The following SYK variants were observed in gnomAD, a reference collection of about 807,000 sequenced individuals.
The protein encoded by SYK is spleen associated tyrosine kinase, also known as tyrosine-protein kinase SYK.
In SYK, 16 loss-of-function variants were observed where a neutral mutation model predicts 77.8. That is an observed-to-expected ratio of 0.21 (90% CI 0.14 to 0.31). The LOEUF (loss-of-function observed/expected upper bound fraction) is 0.31, where lower values mean the gene tolerates loss of function less well. Ranked by LOEUF, SYK falls within the 10% of genes least tolerant of loss-of-function variation. SYK has a pLI of 1.00. For missense variants in SYK, 529 were observed against 814.4 expected (o/e 0.65, Z 4.26); for synonymous variants, 312 against 308.7 (o/e 1.01, Z -0.11).
intron 7 of SYK, among the ~76,000 whole-genome samples, chr9:90,868,090 AC>A (rs1394709530): frequency 6.6e-6 from 1 of 152,190 alleles, no homozygotes; most frequent in Non-Finnish European, 1.5e-5. Context: ...AAGACATAAA[AC>A]CCTTGAGATT....
At chr9:90,815,569 C>G (rs1327094341) in intron 1 of SYK, among the ~76,000 whole-genome samples, 1 of 152,166 alleles carries the variant, frequency 6.6e-6, no homozygotes, top group Non-Finnish European at 1.5e-5. Flanking sequence ...TGCTGCCCTC[C>G]TAGGGGAGCT....
At chr9:90,807,525 C>T (rs1313392674) in intron 1 of SYK, among the ~76,000 whole-genome samples, 1 of 141,722 alleles carries the variant, frequency 7.1e-6, no homozygotes, top group African/African-American at 2.6e-5. Flanking sequence ...GCCTGCAGTG[C>T]TCGGTACCTG....
rs1760124 is a variant in SYK, at chr9:90,867,065, G to A, written c.847-66G>A. 1,272,771 of 1,583,454 alleles carry A rather than the reference G, an allele frequency of 0.8. 513,383 individuals are homozygous for A. Among genetic ancestry groups the A allele is most frequent in the East Asian group, 0.94 (42,209 of 44,696 alleles). The stretch of plus-strand genomic sequence containing the variant: ...TAGAAGCAAATTTAAGTAGCATGTC[G>A]TGGAAGGGATCCTGTATTTGTTTTC... On this transcript the variant is annotated intron_variant, in intron 6 of 13. Coordinates refer to ENST00000375754, the MANE Select transcript of SYK (RefSeq NM_003177.7).
At chr9:90,886,849 TC>T (rs1828597514) in intron 11 of SYK, among the ~76,000 whole-genome samples, 1 of 152,164 alleles carries the variant, frequency 6.6e-6, no homozygotes, top group Non-Finnish European at 1.5e-5. Context: ...ATAGAACTAT[TC>T]ACAATAGCAA....
At position 90,846,582 on chromosome 9, in the gene SYK, C is replaced by T. The variant is rs77690940; in HGVS notation, c.578+988C>T. 3.2e-3 allele frequency among the ~76,000 whole-genome samples: 486 copies of T among 152,076 alleles called. 2 individuals are homozygous for T. The highest frequency in any genetic ancestry group is 0.011 in the African/African-American group (467 of 41,502). ...GCTACTCCTGGCAGGAGGATCGCTTCATCCTCACTATGATCTCACTATCGT... is the reference window on the plus strand; with the variant it reads ...GCTACTCCTGGCAGGAGGATCGCTTTATCCTCACTATGATCTCACTATCGT... On this transcript the variant is annotated intron_variant, in intron 3 of 13. Coordinates refer to ENST00000375754, the MANE Select transcript of SYK (RefSeq NM_003177.7).
intron 1 of SYK, among the ~76,000 whole-genome samples, chr9:90,831,756 G>A (rs1057387791): frequency 1.3e-5 from 2 of 152,216 alleles, no homozygotes; most frequent in African/African-American, 4.8e-5. Flanking sequence ...GTCGCACAAG[G>A]TGACACTCTG....
chr9:90,872,626 A>G (rs1827775488), intron 7 of SYK, among the ~76,000 whole-genome samples: 2 of 152,246 alleles, frequency 1.3e-5, no homozygotes, highest in African/African-American at 2.4e-5. Context: ...GTAAATGTTT[A>G]AAAGAAATAG....
intron 3 of SYK, among the ~76,000 whole-genome samples, chr9:90,848,892 A>T (rs1015272361): frequency 2.8e-4 from 42 of 152,296 alleles, no homozygotes; most frequent in African/African-American, 8.7e-4. Flanking sequence ...CGTGGGGAGG[A>T]TGGACCTTGC....
intron 1 of SYK, among the ~76,000 whole-genome samples, chr9:90,840,165 G>T (rs902009229): frequency 6.6e-6 from 1 of 152,164 alleles, no homozygotes; most frequent in Non-Finnish European, 1.5e-5. Context: ...AGGACTCCTG[G>T]GTTCCTGGCT....
intron 6 of SYK, among the ~76,000 whole-genome samples, chr9:90,866,533 G>C (rs965379128): frequency 8.5e-5 from 13 of 152,156 alleles, no homozygotes; most frequent in Admixed American, 2.6e-4. Flanking sequence ...TTATAGGCTC[G>C]GTGAGACAGA....
chr9:90,807,010 G>A (rs1380443835), intron 1 of SYK, among the ~76,000 whole-genome samples: 1 of 152,222 alleles, frequency 6.6e-6, no homozygotes, highest in East Asian at 1.9e-4. Context: ...AATTCCCTGG[G>A]AAGCTTGCTC....
At chr9:90,845,319 A>G (rs1246424906) in intron 2 of SYK, 115 bp from the exon 3 acceptor site, 4 of 1,098,818 alleles carry the variant, frequency 3.6e-6, no homozygotes, top group East Asian at 4.9e-5. Context: ...GAATGAGTGA[A>G]TAAGTTTTGA....
At chr9:90,833,732 A>G (rs1005280946) in intron 1 of SYK, among the ~76,000 whole-genome samples, 13 of 152,226 alleles carry the variant, frequency 8.5e-5, no homozygotes, top group African/African-American at 3.1e-4. Context: ...AACTACACAA[A>G]TGATAGTTTC....
Position 90,884,622 on chromosome 9 carries a change from CAT to C in SYK, c.1582-3124_1582-3123del, listed in dbSNP as rs202163838. ...ACATGTACATATATACACATATACA[CAT>C]ATGTGTACATGTACATATATACACA... On this transcript the variant is annotated intron_variant, in intron 11 of 13. Coordinates refer to ENST00000375754, the MANE Select transcript of SYK (RefSeq NM_003177.7). Among the ~76,000 whole-genome samples the C allele has an allele frequency of 4.7e-5, 3 of 64,436 alleles. 1 individual carries two copies. Among genetic ancestry groups the C allele is most frequent in the East Asian group, 9.1e-4 (2 of 2,200 alleles). The allele number at this position is 64,436 out of a possible 152,430, so 42.3% of individuals were successfully genotyped here. A position where few individuals can be genotyped will look rare whatever the true frequency, so the allele number is the denominator to read the frequency against.
At chr9:90,840,194 G>A (rs561041684) in intron 1 of SYK, among the ~76,000 whole-genome samples, 97 of 152,260 alleles carry the variant, frequency 6.4e-4, no homozygotes, top group African/African-American at 2.0e-3. Context: ...GCCTGGGCAG[G>A]GAAGGCAGAG....
At chr9:90,815,878 G>A (rs1254037515) in intron 1 of SYK, among the ~76,000 whole-genome samples, 1 of 152,166 alleles carries the variant, frequency 6.6e-6, no homozygotes, top group Non-Finnish European at 1.5e-5. Flanking sequence ...CCACATAGAG[G>A]TGATAATTCT....
chr9:90,811,426 AGTG>A (rs1289228632), intron 1 of SYK, among the ~76,000 whole-genome samples: 2 of 152,210 alleles, frequency 1.3e-5, no homozygotes, highest in African/African-American at 4.8e-5. Context: ...AATTGACAAA[AGTG>A]GAGAAATATT....
intron 1 of SYK, among the ~76,000 whole-genome samples, chr9:90,828,098 G>T (rs551717092): frequency 6.6e-6 from 1 of 152,092 alleles, no homozygotes. Flanking sequence ...TCCCCATAAA[G>T]ATTATGCTCA....
intron 1 of SYK, among the ~76,000 whole-genome samples, chr9:90,824,011 A>G (rs1252516392): frequency 6.6e-6 from 1 of 151,796 alleles, no homozygotes; most frequent in Admixed American, 6.6e-5. Context: ...CAAGAAAAAA[A>G]AAAGAAAAAA....
Sources: gnomAD v4.1 joint callset for allele counts (sites outside exome capture counted in the v4.1 genomes callset) on GRCh38, gnomAD v4.1.1 for gene constraint, MANE v1.5 for transcripts, NCBI Gene and HGNC (gene_info 2026-07-23, HGNC 2026-07-21) for gene names.